SLA2: variants seen among roughly 807,000 people sequenced by gnomAD.
The protein encoded by SLA2 is Src like adaptor 2.
Under a neutral mutation model 27.3 loss-of-function variants are expected in SLA2, and 22 were observed. That is an observed-to-expected ratio of 0.81 (90% CI 0.58 to 1.15). The LOEUF is 1.15. SLA2 is among the 50% of genes most tolerant of loss of function. The pLI, the probability that SLA2 is intolerant of heterozygous loss-of-function variation, is 0.00. For missense variants in SLA2, 304 were observed against 322.2 expected (o/e 0.94, Z 0.43); for synonymous variants, 131 against 137.8 (o/e 0.95, Z 0.34).
chr20:36,633,754 A>G (rs963842569), intron 3 of SLA2, 125 bp from the exon 4 acceptor site: 3 of 730,172 alleles, frequency 4.1e-6, no homozygotes, highest in Non-Finnish European at 7.0e-6. Flanking sequence ...CCTGTTTCCC[A>G]GGCTTCCCTG....
At chr20:36,616,315 T>A (rs1004421297) in intron 5 of SLA2, among the ~76,000 whole-genome samples, 1 of 151,960 alleles carries the variant, frequency 6.6e-6, no homozygotes, top group African/African-American at 2.4e-5. Context: ...TTCATTTTTT[T>A]TTTTTATTTT....
intron 5 of SLA2, among the ~76,000 whole-genome samples, chr20:36,618,849 G>T (rs1490724801): frequency 7.7e-6 from 1 of 130,710 alleles, no homozygotes; most frequent in East Asian, 2.5e-4. Flanking sequence ...GGAGATTGCA[G>T]TGAGCCGAGA....
At chr20:36,615,003 C>A in intron 6 of SLA2, 1 of 985,422 alleles carries the variant, frequency 1.0e-6, no homozygotes, top group Non-Finnish European at 1.2e-6. Context: ...AGGTACTGAC[C>A]TGAGCCTACA....
At chr20:36,644,573 T>C (rs1978286203) in intron 1 of SLA2, among the ~76,000 whole-genome samples, 1 of 152,216 alleles carries the variant, frequency 6.6e-6, no homozygotes, top group Admixed American at 6.5e-5. Context: ...AGGGGAGCTG[T>C]ACTCAGGCTG....
At chr20:36,618,937 A>T (rs1403290093) in intron 5 of SLA2, among the ~76,000 whole-genome samples, 10 of 138,638 alleles carry the variant, frequency 7.2e-5, no homozygotes, top group African/African-American at 2.4e-4. Context: ...AAAAAAAAGT[A>T]TCTAGAAGCC....
Position 36,641,377 on chromosome 20 carries a change from AT to A in SLA2, c.-43del. The A allele has an allele frequency of 1.3e-6, 2 of 1,560,400 alleles. No individual in the cohort carries two copies. Among genetic ancestry groups the A allele is most frequent in the Admixed American group, 3.3e-5 (2 of 59,760 alleles). ...ACTCAGAAGCACATCATCGAGGGAA[AT>A]CTGAAAGAGACACAGTGATGGGGAC... On this transcript the variant is annotated splice_region_variant and 5_prime_UTR_variant, in exon 2 of 8. An upstream open reading frame in the 5' UTR gains an earlier in-frame stop. Coordinates refer to ENST00000262866, the MANE Select transcript of SLA2 (RefSeq NM_032214.4).
At position 36,612,377 on chromosome 20, in the gene SLA2, A is replaced by C; in HGVS notation, c.*1489T>G. On this transcript the variant is annotated 3_prime_UTR_variant, in exon 8 of 8. Transcript: ENST00000262866. ...CCTCTGGATTCAGATGAAACATTAAATTGTCTTCCTCGATTCTCCATCGGG... is the reference window on the plus strand; with the variant it reads ...CCTCTGGATTCAGATGAAACATTAACTTGTCTTCCTCGATTCTCCATCGGG... 1.4e-6 allele frequency: 1 copy of C among 711,838 alleles called. No individual in the cohort carries two copies. Among genetic ancestry groups the C allele is most frequent in the East Asian group, 2.6e-5 (1 of 37,984 alleles). The allele number at this position is 711,838 out of a possible 1,614,324, so 44.1% of individuals were successfully genotyped here.
At chr20:36,640,347 T>G (rs2039494046) in intron 2 of SLA2, among the ~76,000 whole-genome samples, 2 of 152,172 alleles carry the variant, frequency 1.3e-5, no homozygotes, top group East Asian at 3.9e-4. Flanking sequence ...CTAATTTCAC[T>G]TCAGGTAATT....
intron 5 of SLA2, among the ~76,000 whole-genome samples, chr20:36,626,072 C>T (rs149538181): frequency 0.022 from 3,368 of 151,988 alleles, 126 homozygotes; most frequent in African/African-American, 0.075. Context: ...CAAGACCAGC[C>T]AGGGCAACAT....
intron 4 of SLA2, 63 bp from the exon 5 acceptor site, chr20:36,632,761 T>G: frequency 7.5e-7 from 1 of 1,333,900 alleles, no homozygotes; most frequent in Admixed American, 1.9e-5. Context: ...GAAGCCAAGA[T>G]TTTACCACCA....
chr20:36,632,387 T>G (rs1600827619), intron 5 of SLA2, among the ~76,000 whole-genome samples: 1 of 152,356 alleles, frequency 6.6e-6, no homozygotes, highest in East Asian at 1.9e-4. Flanking sequence ...GCCTCTCCTC[T>G]GCTTTCATGG....
chr20:36,621,335 GT>G, intron 5 of SLA2: 1 of 615,920 alleles, frequency 1.6e-6, no homozygotes, highest in Non-Finnish European at 3.1e-6. Flanking sequence ...AAAGGAGGCA[GT>G]TTTGGTGGAA....
intron 5 of SLA2, among the ~76,000 whole-genome samples, chr20:36,622,302 G>A (rs1323633754): frequency 6.0e-5 from 9 of 151,142 alleles, no homozygotes; most frequent in South Asian, 2.1e-4. Context: ...TCTTGAACCC[G>A]GGAAGCAGAG....
chr20:36,633,951 G>C (rs1239089019), intron 3 of SLA2, among the ~76,000 whole-genome samples: 1 of 151,246 alleles, frequency 6.6e-6, no homozygotes, highest in South Asian at 2.2e-4. Flanking sequence ...CTACCTGGGG[G>C]AAGGGCCCCT....
rs889728725 is a variant in SLA2, at chr20:36,632,596, T to A, written c.381A>T (p.Arg127Ser). 5.6e-6 allele frequency: 9 copies of A among 1,613,280 alleles called. No homozygotes were observed. Among genetic ancestry groups the A allele is most frequent in the African/African-American group, 1.3e-5 (1 of 74,886 alleles). Residue 127 changes from arginine to serine, a missense_variant and splice_region_variant, in exon 5 of 8, where the codon AGA becomes AGT. Arg to Ser is a moderately radical substitution (Grantham distance 110). Coordinates refer to ENST00000262866, the MANE Select transcript of SLA2 (RefSeq NM_032214.4). ...AFLIRESQTR[R>S]GSYSLSVRLS... The stretch of plus-strand genomic sequence containing the variant: ...TGGGCTGGCACCGAGCTTACTCACC[T>A]CTCCTGGTCTGGCTCTCCCGGATGA...
intron 5 of SLA2, among the ~76,000 whole-genome samples, chr20:36,629,589 CATG>C (rs756133795): frequency 4.6e-5 from 7 of 151,876 alleles, no homozygotes; most frequent in Admixed American, 2.0e-4. Context: ...GCCTGGCCAA[CATG>C]ATGAAACCCT....
At chr20:36,629,477 CAAA>C (rs35859171) in intron 5 of SLA2, among the ~76,000 whole-genome samples, 4,682 of 141,606 alleles carry the variant, frequency 0.033, 242 homozygotes, top group African/African-American at 0.11. Flanking sequence ...ACTAAAAATA[CAAA>C]AAAAAAAAAA....
chr20:36,627,747 C>G (rs2039354178), intron 5 of SLA2, among the ~76,000 whole-genome samples: 1 of 152,190 alleles, frequency 6.6e-6, no homozygotes, highest in Non-Finnish European at 1.5e-5. Context: ...CTGACTAGAG[C>G]CTGGCCATGG....
intron 4 of SLA2, among the ~76,000 whole-genome samples, chr20:36,632,998 GCT>G: frequency 6.6e-6 from 1 of 152,212 alleles, no homozygotes; most frequent in Admixed American, 6.5e-5. Flanking sequence ...TGCTATCCCT[GCT>G]CAGTCCCCAA....
Sources: gnomAD v4.1 joint callset for allele counts (sites outside exome capture counted in the v4.1 genomes callset) on GRCh38, gnomAD v4.1.1 for gene constraint, MANE v1.5 for transcripts, NCBI Gene and HGNC (gene_info 2026-07-23, HGNC 2026-07-21) for gene names.